Variants in PUDP observed in about 807,000 individuals in gnomAD.
PUDP encodes the protein pseudouridine-5'-phosphatase.
A neutral mutation model predicts 9.4 loss-of-function variants in PUDP; 8 were observed. The observed-to-expected ratio is 0.85, with a 90% confidence interval of 0.50 to 1.53. The LOEUF is 1.53. Ranked by LOEUF, PUDP falls within the 40% of genes most tolerant of loss-of-function variation. PUDP has a pLI of 0.00. For synonymous variants in PUDP, 99 were observed against 80.7 expected, an observed-to-expected ratio of 1.23 and a Z score of -1.22; for missense variants, 188 against 189.7, an observed-to-expected ratio of 0.99 and a Z score of 0.05.
intron 1 of PUDP, among the ~76,000 whole-genome samples, chrX:7,137,197 C>T (rs1427020502): frequency 6.7e-5 from 7 of 104,832 alleles, no homozygotes; most frequent in East Asian, 6.0e-4. Context: ...GCCAAGATCG[C>T]GCCATTGCAC....
chrX:6,875,537 A>C lies in PUDP; in HGVS notation c.*247+101596T>G, dbSNP rs979992360. On this transcript the variant is annotated intron_variant and NMD_transcript_variant, in intron 3 of 3. Coordinates refer to the PUDP transcript ENST00000655425. ...GTCTCCAGGAAGGACTTCCAGACCA[A>C]CGTTAACAAAAACAGCCCTCCAGGG... Among the ~76,000 whole-genome samples the C allele has an allele frequency of 5.3e-4, 59 of 111,586 alleles. 2 individuals are homozygous for C. Among genetic ancestry groups the C allele is most frequent in the Admixed American group, 1.2e-3 (13 of 10,466 alleles).
chrX:6,984,119 T>C (rs1206705404), intron 1 of PUDP, among the ~76,000 whole-genome samples: 1 of 112,401 alleles, frequency 8.9e-6, no homozygotes, highest in East Asian at 2.8e-4. Flanking sequence ...TGTCTTTCAC[T>C]GTCGTAATTT....
At chrX:6,769,059 T>A (rs1385090213) in intron 3 of PUDP, among the ~76,000 whole-genome samples, 1 of 111,906 alleles carries the variant, frequency 8.9e-6, no homozygotes, top group African/African-American at 3.2e-5. Context: ...ACATAAATTA[T>A]GCTCACACTT....
At chrX:6,735,592 A>G (rs1924862235) in intron 3 of PUDP, among the ~76,000 whole-genome samples, 1 of 112,222 alleles carries the variant, frequency 8.9e-6, no homozygotes, top group Non-Finnish European at 1.9e-5. Flanking sequence ...CTACCCACTT[A>G]AGTGAAGAAA....
intron 3 of PUDP, among the ~76,000 whole-genome samples, chrX:6,835,507 T>C (rs1280543161): frequency 8.9e-6 from 1 of 111,931 alleles, no homozygotes; most frequent in Non-Finnish European, 1.9e-5. Flanking sequence ...TGTATTATAA[T>C]ATAGCATGTC....
chrX:6,789,620 A>G (rs1925705767), intron 3 of PUDP, among the ~76,000 whole-genome samples: 1 of 111,350 alleles, frequency 9.0e-6, no homozygotes, highest in Non-Finnish European at 1.9e-5. Flanking sequence ...TGGAGCGCTG[A>G]TGGTTAGCTA....
At chrX:6,713,735 T>A (rs1924562047) in intron 1 of PUDP, among the ~76,000 whole-genome samples, 1 of 110,571 alleles carries the variant, frequency 9.0e-6, no homozygotes, top group African/African-American at 3.3e-5. Context: ...GGCCAGGGCA[T>A]AGGGTGTGGT....
At chrX:7,126,985 T>C (rs1932501861) in intron 1 of PUDP, among the ~76,000 whole-genome samples, 1 of 111,968 alleles carries the variant, frequency 8.9e-6, no homozygotes. Flanking sequence ...GTATCTCAGA[T>C]TTTATGTATC....
intron 3 of PUDP, among the ~76,000 whole-genome samples, chrX:6,893,753 T>TA (rs1256582282): frequency 9.0e-6 from 1 of 111,640 alleles, no homozygotes; most frequent in Non-Finnish European, 1.9e-5. Context: ...ACTGAGTATA[T>TA]ACTCAAAAGA....
chrX:6,724,137 A>C (rs1222949769), upstream of PUDP, among the ~76,000 whole-genome samples: 3 of 111,535 alleles, frequency 2.7e-5, no homozygotes, highest in Non-Finnish European at 3.8e-5. Flanking sequence ...AACAATTCCA[A>C]ATAAAAGCAA....
chrX:7,065,786 T>C (rs970882363), intron 3 of PUDP, among the ~76,000 whole-genome samples: 1 of 111,839 alleles, frequency 8.9e-6, no homozygotes, highest in African/African-American at 3.3e-5. Flanking sequence ...TACAGCAATG[T>C]TATGCAATGC....
rs1332409232 is a variant in PUDP at position 6,904,142 on chromosome X, G to C, written c.*247+72991C>G. Among the ~76,000 whole-genome samples the C allele has an allele frequency of 2.7e-5, 3 of 109,242 alleles. No homozygotes were observed. In the East Asian group the frequency reaches 8.7e-4, roughly 32 times the overall value. 94.9% of individuals were successfully genotyped at this position (109,242 alleles called of 115,157 possible). A position where few individuals can be genotyped will look rare whatever the true frequency, so the allele number is the denominator to read the frequency against. ...AATTGCTGTATTTTTAGTAGACACGGGGTTTTGCCATGTTGACCAGGCTAG... is the reference window on the plus strand; with the variant it reads ...AATTGCTGTATTTTTAGTAGACACGCGGTTTTGCCATGTTGACCAGGCTAG... On this transcript the variant is annotated intron_variant and NMD_transcript_variant, in intron 3 of 3. Coordinates refer to the PUDP transcript ENST00000655425.
chrX:7,025,551 A>G (rs1309094728), intron 1 of PUDP, among the ~76,000 whole-genome samples: 2 of 111,783 alleles, frequency 1.8e-5, no homozygotes, highest in African/African-American at 3.3e-5. Context: ...ATCACTGCAT[A>G]TATCTGTGCT....
intron 3 of PUDP, among the ~76,000 whole-genome samples, chrX:6,882,036 C>T (rs781494138): frequency 5.9e-5 from 6 of 102,285 alleles, no homozygotes; most frequent in African/African-American, 1.8e-4. Context: ...TCTAGTGGCA[C>T]GATCTCGGCT....
intron 3 of PUDP, among the ~76,000 whole-genome samples, chrX:6,855,516 T>C (rs1376867524): frequency 9.0e-6 from 1 of 111,728 alleles, no homozygotes; most frequent in Non-Finnish European, 1.9e-5. Context: ...CCATGCTATG[T>C]CCTACAAGCC....
intron 3 of PUDP, among the ~76,000 whole-genome samples, chrX:6,752,628 C>T (rs187352898): frequency 3.7e-4 from 41 of 111,097 alleles, no homozygotes; most frequent in African/African-American, 1.3e-3. Flanking sequence ...AACAGAGTGA[C>T]GTCAGGAAGG....
At chrX:6,973,147 TC>T (rs1308429501) in intron 3 of PUDP, among the ~76,000 whole-genome samples, 1 of 112,067 alleles carries the variant, frequency 8.9e-6, no homozygotes, top group African/African-American at 3.2e-5. Context: ...GTTTATCTTT[TC>T]AAAAAACAAG....
rs151140329 is a variant in PUDP at position 7,141,703 on chromosome X, G to A, written c.61+6350C>T. 4.3e-3 allele frequency among the ~76,000 whole-genome samples: 476 copies of A among 111,428 alleles called. 4 individuals carry two copies. Among genetic ancestry groups the A allele is most frequent in the African/African-American group, 0.015 (448 of 29,744 alleles). ...ATTGGAAGAAAATGCCACCCATGAC[G>A]TTCATAGCTAGAGAGGAGAAGTCAG... On this transcript the variant is annotated intron_variant, in intron 1 of 3. Coordinates refer to ENST00000381077, the MANE Select transcript of PUDP (RefSeq NM_012080.5).
At chrX:6,752,343 C>A (rs756838302) in intron 3 of PUDP, among the ~76,000 whole-genome samples, 1 of 111,334 alleles carries the variant, frequency 9.0e-6, no homozygotes, top group South Asian at 3.9e-4. Context: ...GCTGTATTTT[C>A]ATCTGACAAC....
Sources: allele counts gnomAD v4.1 joint callset (sites outside exome capture counted in the v4.1 genomes callset), GRCh38; gene constraint gnomAD v4.1.1; transcripts MANE v1.5; gene names NCBI Gene and HGNC (gene_info 2026-07-23, HGNC 2026-07-21).